The following PCSK2 variants were observed in gnomAD, a reference collection of about 807,000 sequenced individuals.
PCSK2 encodes neuroendocrine convertase 2.
In PCSK2, 14 loss-of-function variants were observed where a neutral mutation model predicts 69.7. The ratio of observed to expected loss-of-function variants is 0.20; its 90% CI spans 0.13 to 0.31. The LOEUF (loss-of-function observed/expected upper bound fraction) is 0.31, where lower values mean the gene tolerates loss of function less well. Ranked by LOEUF, PCSK2 falls within the 10% of genes least tolerant of loss-of-function variation. The pLI is 1.00. For missense variants in PCSK2, 544 were observed against 842.5 expected, an observed-to-expected ratio of 0.65 and a Z score of 4.39; for synonymous variants, 307 against 320.7, an observed-to-expected ratio of 0.96 and a Z score of 0.46.
In PCSK2 at chr20:17,482,167, T is replaced by A; in HGVS notation, c.*97T>A. Reference sequence around the variant, plus strand: ...AGGCACCTAGCAATTCCATCACCCGTACAGGCAATTCCGTCTTCTTAATCT... The same window carrying A: ...AGGCACCTAGCAATTCCATCACCCGAACAGGCAATTCCGTCTTCTTAATCT... On this transcript the variant is annotated 3_prime_UTR_variant, in exon 12 of 12. Coordinates refer to ENST00000262545, the MANE Select transcript of PCSK2 (RefSeq NM_002594.5). 1 of 1,106,872 alleles carries A rather than the reference T, an allele frequency of 9.0e-7. No individual in the cohort carries two copies. Among genetic ancestry groups the A allele is most frequent in the Non-Finnish European group, 1.3e-6 (1 of 794,124 alleles). 68.6% of individuals were successfully genotyped at this position (1,106,872 alleles called of 1,614,324 possible).
chr20:17,344,263 G>A (rs1020968305), intron 2 of PCSK2, among the ~76,000 whole-genome samples: 1 of 152,190 alleles, frequency 6.6e-6, no homozygotes, highest in South Asian at 2.1e-4. Flanking sequence ...TGCTTGGCTT[G>A]ACATATGAAT....
At chr20:17,333,423 C>T (rs1490184457) in intron 2 of PCSK2, among the ~76,000 whole-genome samples, 1 of 152,114 alleles carries the variant, frequency 6.6e-6, no homozygotes, top group Non-Finnish European at 1.5e-5. Context: ...CATGCTCTAT[C>T]CTGTTTTGGA....
intron 2 of PCSK2, among the ~76,000 whole-genome samples, chr20:17,315,587 A>G (rs1989661131): frequency 6.6e-6 from 1 of 152,146 alleles, no homozygotes; most frequent in South Asian, 2.1e-4. Context: ...GCAGGGGCGG[A>G]GCTGAGGGGC....
intron 2 of PCSK2, among the ~76,000 whole-genome samples, chr20:17,337,897 C>T (rs1427961481): frequency 6.8e-6 from 1 of 147,408 alleles, no homozygotes; most frequent in Non-Finnish European, 1.5e-5. Context: ...CCACTGTATT[C>T]CAGCCTGGGT....
At chr20:17,386,064 G>C (rs565548194) in intron 5 of PCSK2, among the ~76,000 whole-genome samples, 1 of 152,256 alleles carries the variant, frequency 6.6e-6, no homozygotes, top group East Asian at 1.9e-4. Flanking sequence ...TATGGATGGG[G>C]CATCTAATAG....
chr20:17,390,672 T>C (rs185744459), intron 5 of PCSK2, among the ~76,000 whole-genome samples: 1 of 152,332 alleles, frequency 6.6e-6, no homozygotes, highest in Admixed American at 6.5e-5. Context: ...TACTAATTTC[T>C]TAGAAATGCA....
At chr20:17,322,033 T>C (rs1321308951) in intron 2 of PCSK2, among the ~76,000 whole-genome samples, 1 of 152,022 alleles carries the variant, frequency 6.6e-6, no homozygotes, top group Non-Finnish European at 1.5e-5. Context: ...CTAACACTGG[T>C]TAAACACCTC....
intron 5 of PCSK2, among the ~76,000 whole-genome samples, chr20:17,401,618 C>G (rs370526238): frequency 6.6e-6 from 1 of 152,190 alleles, no homozygotes; most frequent in African/African-American, 2.4e-5. Flanking sequence ...AATTACACAT[C>G]TGTGAAATGC....
intron 6 of PCSK2, among the ~76,000 whole-genome samples, chr20:17,420,512 G>A (rs1220635980): frequency 6.6e-6 from 1 of 152,032 alleles, no homozygotes; most frequent in Admixed American, 6.5e-5. Context: ...TCCCCTACCT[G>A]GATTAGAAAA....
intron 5 of PCSK2, among the ~76,000 whole-genome samples, chr20:17,391,949 GGGAAGGGAAAGAAGGA>G (rs2031390813): frequency 5.7e-4 from 43 of 75,022 alleles, no homozygotes; most frequent in Middle Eastern, 6.7e-3. Context: ...AGGAAGGAAG[GGGAAGGGAAAGAAGGA>G]AAGGAAGGAA....
At chr20:17,375,431 C>T (rs557997965) in intron 5 of PCSK2, among the ~76,000 whole-genome samples, 2 of 152,158 alleles carry the variant, frequency 1.3e-5, no homozygotes, top group Non-Finnish European at 2.9e-5. Flanking sequence ...AGACCCATTG[C>T]TCGTGGCCAG....
chr20:17,226,815 C>G (rs1985921390), upstream of PCSK2, among the ~76,000 whole-genome samples: 1 of 136,904 alleles, frequency 7.3e-6, no homozygotes, highest in Admixed American at 7.4e-5. Flanking sequence ...CTGCGCTGCG[C>G]TGCGCTGCGC....
In PCSK2 at chr20:17,453,649, G is replaced by A; in HGVS notation, c.886-93G>A. 3 of 1,388,814 alleles carry A rather than the reference G, an allele frequency of 2.2e-6. No homozygotes were observed. The highest frequency in any genetic ancestry group is 3.0e-6 in the Non-Finnish European group (3 of 1,004,692). 86.0% of individuals were successfully genotyped at this position (1,388,814 alleles called of 1,614,324 possible). On this transcript the variant is annotated intron_variant, in intron 8 of 11. Transcript: ENST00000262545. The surrounding 1 kb of genome is among the most constrained non-coding windows in gnomAD (Gnocchi z 4.0). Reference sequence around the variant, plus strand: ...GTGCACCCAGTCTTTAGGTTCAACTGCTGAAGAAGCCCAACCCCTGGGCTG... The same window carrying A: ...GTGCACCCAGTCTTTAGGTTCAACTACTGAAGAAGCCCAACCCCTGGGCTG...
intron 5 of PCSK2, among the ~76,000 whole-genome samples, chr20:17,378,632 GATGGATGGATGA>G (rs767700552): frequency 0.057 from 6,082 of 106,112 alleles, 158 homozygotes; most frequent in Middle Eastern, 0.14. Context: ...TGGATGGATG[GATGGATGGATGA>G]ATGGATGGAT....
chr20:17,290,128 AT>A (rs1050500508), intron 2 of PCSK2, among the ~76,000 whole-genome samples: 6 of 152,100 alleles, frequency 3.9e-5, no homozygotes, highest in African/African-American at 9.7e-5. Flanking sequence ...AGTGAAAGCA[AT>A]TTTTTTCCAC....
intron 2 of PCSK2, among the ~76,000 whole-genome samples, chr20:17,355,101 GT>G (rs1463221248): frequency 3.9e-5 from 6 of 152,148 alleles, no homozygotes. Flanking sequence ...AGCATCACTA[GT>G]TTCCATTAAA....
At chr20:17,439,139 T>G (rs1340919029) in intron 8 of PCSK2, among the ~76,000 whole-genome samples, 2 of 149,418 alleles carry the variant, frequency 1.3e-5, no homozygotes, top group Non-Finnish European at 3.0e-5. Context: ...TTCTTCTACC[T>G]TTTTTTTTTC....
chr20:17,402,825 T>C (rs1012975670), intron 5 of PCSK2, among the ~76,000 whole-genome samples: 1 of 151,534 alleles, frequency 6.6e-6, no homozygotes, highest in Non-Finnish European at 1.5e-5. Flanking sequence ...GGCGTGGTGG[T>C]GGGCTCCTGT....
At chr20:17,266,248 T>C (rs1228633234) in intron 2 of PCSK2, among the ~76,000 whole-genome samples, 4 of 152,226 alleles carry the variant, frequency 2.6e-5, no homozygotes, top group African/African-American at 7.2e-5. Context: ...CAGCTGAGTA[T>C]GCAGTTGGCC....
Sources: allele counts gnomAD v4.1 joint callset (sites outside exome capture counted in the v4.1 genomes callset), GRCh38; gene constraint gnomAD v4.1.1; non-coding constraint Gnocchi (gnomAD v3.1); transcripts MANE v1.5; gene names NCBI Gene and HGNC (gene_info 2026-07-23, HGNC 2026-07-21).